Variants in TNFRSF10D observed in about 807,000 individuals in gnomAD.
TNFRSF10D encodes tumor necrosis factor receptor superfamily member 10D.
A neutral mutation model predicts 42.1 loss-of-function variants in TNFRSF10D; 28 were observed. The observed-to-expected ratio is 0.66, with a 90% CI of 0.49 to 0.91. TNFRSF10D has a LOEUF of 0.91. Among genes scored for constraint, TNFRSF10D ranks in the 40% least tolerant of loss-of-function variants. The pLI is 0.00. For synonymous variants in TNFRSF10D, 186 were observed against 189.4 expected, an observed-to-expected ratio of 0.98 and a Z score of 0.15; for missense variants, 503 against 486.1, an observed-to-expected ratio of 1.03 and a Z score of -0.33.
intron 2 of TNFRSF10D, among the ~76,000 whole-genome samples, chr8:23,152,722 CA>C (rs111653492): frequency 3.9e-5 from 6 of 152,042 alleles, no homozygotes; most frequent in African/African-American, 1.4e-4. Context: ...CGGAAAGTAA[CA>C]AAAATAAATG....
rs1360100352 is a variant in TNFRSF10D at position 23,137,525 on chromosome 8, A to G, written c.*345T>C. On this transcript the variant is annotated 3_prime_UTR_variant, in exon 9 of 9. Transcript: ENST00000312584. ...TCACTGTGTTGATGAGGCTGGTCTC[A>G]AACTCCCGAGCTCAAGCAATCCACC... 5.1e-3 allele frequency: 910 copies of G among 177,974 alleles called. No homozygotes were observed. The highest frequency in any genetic ancestry group is 0.018 in the African/African-American group (752 of 42,142). The allele number at this position is 177,974 out of a possible 1,614,324, so 11.0% of individuals were successfully genotyped here.
At chr8:23,152,523 C>T (rs1014412917) in intron 2 of TNFRSF10D, among the ~76,000 whole-genome samples, 1 of 152,142 alleles carries the variant, frequency 6.6e-6, no homozygotes, top group Admixed American at 6.5e-5. Flanking sequence ...AGATGATGAA[C>T]AAATGTGCTA....
rs964891531 is a variant in TNFRSF10D at position 23,152,747 on chromosome 8, T to C, written c.256+2127A>G. On this transcript the variant is annotated intron_variant, in intron 2 of 8. Transcript: ENST00000312584. ...CAAAAATAAATGGAAAGACAGTACA[T>C]GTTCATGGATTAGAAAACTCAATAT... 3.3e-5 allele frequency among the ~76,000 whole-genome samples: 5 copies of C among 152,248 alleles called. No individual in the cohort carries two copies. The East Asian group carries it at 7.7e-4, about 23-fold the overall frequency.
Position 23,136,008 on chromosome 8 carries a change from T to C in TNFRSF10D, c.*1862A>G, listed in dbSNP as rs1247338525. ...GGAAGTGCGAAGACCGGAAAGGCCA[T>C]CCCCTCCTAAAACTCCATGGACACA... On this transcript the variant is annotated 3_prime_UTR_variant, in exon 9 of 9. Coordinates refer to ENST00000312584, the MANE Select transcript of TNFRSF10D (RefSeq NM_003840.5). 3 of 431,844 alleles carry C rather than the reference T, an allele frequency of 6.9e-6. No individual in the cohort carries two copies. The highest frequency in any genetic ancestry group is 2.0e-5 in the African/African-American group (1 of 49,448). The allele number at this position is 431,844 out of a possible 1,614,324, so 26.8% of individuals were successfully genotyped here.
chr8:23,151,413 T>G (rs1800211409), intron 2 of TNFRSF10D, among the ~76,000 whole-genome samples: 1 of 150,062 alleles, frequency 6.7e-6, no homozygotes, highest in Admixed American at 6.6e-5. Flanking sequence ...TTAAAGAGAG[T>G]TATTCAATCT....
At chr8:23,148,069 A>AG (rs1800149565) in intron 3 of TNFRSF10D, among the ~76,000 whole-genome samples, 1 of 146,476 alleles carries the variant, frequency 6.8e-6, no homozygotes, top group Non-Finnish European at 1.5e-5. Flanking sequence ...CGTCTCCCAA[A>AG]AAAAAAAAAA....
At chr8:23,138,131 A>T in intron 8 of TNFRSF10D, 57 bp downstream of exon 8, 1 of 1,612,392 alleles carries the variant, frequency 6.2e-7, no homozygotes. Flanking sequence ...GACAGCAGTT[A>T]GGACACCGTC....
chr8:23,143,598 T>C (rs180824519), intron 7 of TNFRSF10D, among the ~76,000 whole-genome samples: 922 of 151,314 alleles, frequency 6.1e-3, no homozygotes, highest in African/African-American at 0.019. Flanking sequence ...AGGAAGAAAA[T>C]GGGTGGAAAG....
At chr8:23,163,115 T>TTC (rs1374454438) in intron 1 of TNFRSF10D, among the ~76,000 whole-genome samples, 11 of 99,642 alleles carry the variant, frequency 1.1e-4, no homozygotes, top group African/African-American at 3.7e-4. Context: ...TTTTTTTTTT[T>TTC]TGAGACGGAG....
chr8:23,135,849 CT>C lies in TNFRSF10D; in HGVS notation c.*2020del, dbSNP rs1814314870. On this transcript the variant is annotated 3_prime_UTR_variant, in exon 9 of 9. Transcript: ENST00000312584. The stretch of plus-strand genomic sequence containing the variant: ...CAAAGGAGCTGGGACCGGACTGGCT[CT>C]CTCTGAGCTTTGAGACCAAGTCTCC... 1 of 449,768 alleles carries C rather than the reference CT, an allele frequency of 2.2e-6. No homozygotes were observed. The highest frequency in any genetic ancestry group is 2.0e-5 in the African/African-American group (1 of 50,040). 27.9% of individuals were successfully genotyped at this position (449,768 alleles called of 1,614,324 possible).
At chr8:23,148,138 G>A (rs970244020) in intron 3 of TNFRSF10D, among the ~76,000 whole-genome samples, 1 of 148,452 alleles carries the variant, frequency 6.7e-6, no homozygotes, top group South Asian at 2.1e-4. Flanking sequence ...TACTTAGGAG[G>A]CTGAGGTAGA....
chr8:23,148,665 T>G (rs1183817482), intron 2 of TNFRSF10D, 114 bp from the exon 3 acceptor site: 1 of 652,638 alleles, frequency 1.5e-6, no homozygotes, highest in Admixed American at 2.5e-5. Flanking sequence ...AGAAATCTGC[T>G]CTTCTTGGCT....
chr8:23,152,919 T>G (rs1800228740), intron 2 of TNFRSF10D, among the ~76,000 whole-genome samples: 1 of 152,200 alleles, frequency 6.6e-6, no homozygotes, highest in South Asian at 2.1e-4. Flanking sequence ...AAAGTGATCT[T>G]AAGCAAAACA....
In TNFRSF10D at chr8:23,145,803, T is replaced by A. The variant is rs750141413; in HGVS notation, c.601A>T (p.Thr201Ser). The A allele has an allele frequency of 6.2e-7, 1 of 1,614,198 alleles. No individual in the cohort carries two copies. Among genetic ancestry groups the A allele is most frequent in the East Asian group, 2.2e-5 (1 of 44,882 alleles). ...KTPAAEETVT[T>S]ILGMLASPYH... The stretch of plus-strand genomic sequence containing the variant: ...GGAGAGGCAAGCATCCCCAGGATGG[T>A]GGTCACTGTCTCCTCCGCTGCTGGG... Residue 201 changes from threonine to serine, a missense_variant, in exon 5 of 9, where the codon ACC (threonine) becomes TCC (serine). Thr to Ser is a moderately conservative substitution (Grantham distance 58). Coordinates refer to ENST00000312584, the MANE Select transcript of TNFRSF10D (RefSeq NM_003840.5).
rs747563213 is a variant in TNFRSF10D at position 23,145,910 on chromosome 8, C to A, written c.494G>T (p.Gly165Val). ...CRTCRTGCPRGMVKVSNCTPR... is the reference protein window; with the variant it reads ...CRTCRTGCPRVMVKVSNCTPR... ...CGTACAATTACTGACCTTGACCATC[C>A]CTCTGGGACACCTGGGTACACACAG... Residue 165 changes from glycine (G) to valine (V), a missense_variant, in exon 5 of 9, where the codon GGG becomes GTG. Coordinates refer to ENST00000312584, the MANE Select transcript of TNFRSF10D (RefSeq NM_003840.5). 1.2e-6 allele frequency: 2 copies of A among 1,614,098 alleles called. No individual in the cohort carries two copies. Among genetic ancestry groups the A allele is most frequent in the Admixed American group, 1.7e-5 (1 of 60,014 alleles).
intron 2 of TNFRSF10D, among the ~76,000 whole-genome samples, chr8:23,149,463 T>C (rs941314939): frequency 6.6e-6 from 1 of 150,990 alleles, no homozygotes; most frequent in African/African-American, 2.4e-5. Flanking sequence ...GGTCTCCAAC[T>C]CCTGACCTCA....
At chr8:23,144,666 A>C in intron 6 of TNFRSF10D, 31 bp from the exon 7 acceptor site, 1 of 1,600,736 alleles carries the variant, frequency 6.2e-7, no homozygotes, top group Non-Finnish European at 8.5e-7. Flanking sequence ...ACTCAAGTCC[A>C]CACCCCGGGC....
At chr8:23,143,542 T>C (rs911162410) in intron 7 of TNFRSF10D, among the ~76,000 whole-genome samples, 7 of 150,984 alleles carry the variant, frequency 4.6e-5, no homozygotes, top group Non-Finnish European at 8.8e-5. Flanking sequence ...TTCCTTACCT[T>C]TTTATACTTC....
chr8:23,138,214 G>GGAACCAGCAGCCTCCTCCT lies in TNFRSF10D; in HGVS notation c.982_1000dup (p.Pro334GlnfsTer10), dbSNP rs758174860. The GGAACCAGCAGCCTCCTCCT allele has an allele frequency of 1.2e-6, 2 of 1,614,076 alleles. No individual in the cohort carries two copies. Among genetic ancestry groups the GGAACCAGCAGCCTCCTCCT allele is most frequent in the Non-Finnish European group, 1.7e-6 (2 of 1,180,058 alleles). On this transcript the variant is annotated frameshift_variant, in exon 8 of 9. Coordinates refer to ENST00000312584, the MANE Select transcript of TNFRSF10D (RefSeq NM_003840.5). LOFTEE classifies it low-confidence loss of function (END_TRUNC). The stretch of plus-strand genomic sequence containing the variant: ...GTCAGCGGAGTCAGCGTCATTCACT[G>GGAACCAGCAGCCTCCTCCT]GAACCAGCAGCCTCCTCCTCTGACA...
Sources: gnomAD v4.1 joint callset for allele counts (sites outside exome capture counted in the v4.1 genomes callset) on GRCh38, gnomAD v4.1.1 for gene constraint, MANE v1.5 for transcripts, NCBI Gene and HGNC (gene_info 2026-07-23, HGNC 2026-07-21) for gene names.